Variants in GNAS observed in about 807,000 individuals in gnomAD.
GNAS encodes the protein protein ALEX.
GNAS carries 8 observed loss-of-function variants against 54.5 expected under a neutral mutation model. That is an observed-to-expected ratio of 0.15 (90% confidence interval 0.09 to 0.26). GNAS has a LOEUF of 0.26. Ranked by LOEUF, GNAS falls within the 10% of genes least tolerant of loss-of-function variation. GNAS has a pLI of 1.00. For synonymous variants in GNAS, 204 were observed against 191.4 expected (o/e 1.07, Z -0.54); for missense variants, 170 against 529.8 (o/e 0.32, Z 6.67).
intron 1 of GNAS, among the ~76,000 whole-genome samples, chr20:58,846,781 T>C (rs1360472806): frequency 6.6e-6 from 1 of 152,226 alleles, no homozygotes; most frequent in East Asian, 1.9e-4. Flanking sequence ...ATTGAGGTTG[T>C]TCTAGAAGGT....
At chr20:58,850,933 G>A in intron 1 of GNAS, 1 of 398,650 alleles carries the variant, frequency 2.5e-6, no homozygotes, top group Non-Finnish European at 4.4e-6. Flanking sequence ...CCGGTTTCCG[G>A]TCTGACGCCC....
intron 1 of GNAS, chr20:58,892,142 T>C: frequency 2.1e-6 from 2 of 962,790 alleles, no homozygotes; most frequent in East Asian, 1.2e-4. Context: ...TTGCTCTCGC[T>C]CTCGCTCTCC....
At chr20:58,883,707 C>T (rs566188776) in intron 1 of GNAS, among the ~76,000 whole-genome samples, 4 of 152,236 alleles carry the variant, frequency 2.6e-5, no homozygotes, top group Admixed American at 2.0e-4. Context: ...TAGCCCTGAG[C>T]TCCCCAGCAA....
intron 1 of GNAS, among the ~76,000 whole-genome samples, chr20:58,844,849 A>G (rs2085883793): frequency 6.6e-6 from 1 of 152,168 alleles, no homozygotes; most frequent in South Asian, 2.1e-4. Flanking sequence ...CCGAAAAACA[A>G]AAAAAGCACC....
intron 1 of GNAS, among the ~76,000 whole-genome samples, chr20:58,879,989 CCCCAA>C (rs2088118491): frequency 6.6e-6 from 1 of 152,180 alleles, no homozygotes; most frequent in Non-Finnish European, 1.5e-5. Context: ...AGCTGACCCT[CCCCAA>C]CCCAAACCTT....
chr20:58,864,163 T>C (rs2086913880), intron 1 of GNAS: 1 of 152,210 alleles, frequency 6.6e-6, no homozygotes, highest in Non-Finnish European at 1.5e-5. Flanking sequence ...TAGTGTTATT[T>C]AGGAAGTATA....
At chr20:58,907,360 A>G (rs1470461653) in intron 6 of GNAS, among the ~76,000 whole-genome samples, 2 of 152,236 alleles carry the variant, frequency 1.3e-5, no homozygotes, top group Admixed American at 6.5e-5. Context: ...TCCTTCTTCA[A>G]CAAAGTCCCT....
At chr20:58,878,268 G>A (rs550348361) in intron 1 of GNAS, among the ~76,000 whole-genome samples, 7 of 152,190 alleles carry the variant, frequency 4.6e-5, no homozygotes, top group Admixed American at 1.3e-4. Context: ...ATCGGGCCCC[G>A]GCCCCAGGAG....
chr20:58,855,648 AG>A, intron 1 of GNAS: 2 of 691,062 alleles, frequency 2.9e-6, no homozygotes, highest in Middle Eastern at 4.9e-4. Context: ...GCTTCAGGTG[AG>A]CCAGGAACTG....
intron 3 of GNAS, chr20:58,900,104 AC>A: frequency 3.5e-6 from 2 of 574,930 alleles, no homozygotes; most frequent in Non-Finnish European, 6.3e-6. Context: ...CTGCTACCTG[AC>A]CTTAAACGAT....
chr20:58,854,264 C>A (rs778831981), intron 1 of GNAS: 1 of 1,612,428 alleles, frequency 6.2e-7, no homozygotes, highest in Admixed American at 1.7e-5. Context: ...TCGCGCTTGA[C>A]GGCCCGCCCA....
intron 3 of GNAS, among the ~76,000 whole-genome samples, chr20:58,899,663 A>G (rs7347598): frequency 1.5e-5 from 2 of 130,904 alleles, no homozygotes; most frequent in African/African-American, 4.9e-5. Context: ...ACACACACAC[A>G]CGCACACACA....
rs1386700685 is a variant in GNAS at position 58,910,114 on chromosome 20, A to G, written c.970+33A>G. 3 of 1,609,944 alleles carry G rather than the reference A, an allele frequency of 1.9e-6. No individual in the cohort carries two copies. Among genetic ancestry groups the G allele is most frequent in the East Asian group, 2.2e-5 (1 of 44,844 alleles). ...TGGCTTCCACTCTTGCTGGCTGTTC[A>G]TTGCGGTGGTTCTTTTTCAAACGGT... On this transcript the variant is annotated intron_variant, in intron 11 of 12. Transcript: ENST00000371085. This position sits in a 1 kb window ranked among gnomAD's most constrained non-coding sequence, Gnocchi z 5.8.
chr20:58,893,981 C>G (rs1019738913), intron 1 of GNAS, among the ~76,000 whole-genome samples: 1 of 152,238 alleles, frequency 6.6e-6, no homozygotes, highest in Non-Finnish European at 1.5e-5. Flanking sequence ...TTGATTGCCT[C>G]TGGCCTAGGA....
At chr20:58,900,782 C>T (rs1166084437) in intron 3 of GNAS, among the ~76,000 whole-genome samples, 1 of 152,146 alleles carries the variant, frequency 6.6e-6, no homozygotes, top group Non-Finnish European at 1.5e-5. Context: ...AACCCGCCAA[C>T]CCCCAGTATA....
intron 1 of GNAS, among the ~76,000 whole-genome samples, chr20:58,852,197 A>T (rs2086203699): frequency 6.6e-6 from 1 of 151,586 alleles, no homozygotes; most frequent in Non-Finnish European, 1.5e-5. Flanking sequence ...CCATCCACAT[A>T]AACAAGAGAG....
At chr20:58,842,466 A>AT (rs1210715866) in intron 1 of GNAS, 3 of 398,556 alleles carry the variant, frequency 7.5e-6, no homozygotes, top group Non-Finnish European at 1.3e-5. Context: ...CCTATTCCGT[A>AT]GGAAAGGCGT....
rs560177672 is a variant in GNAS at position 58,854,061 on chromosome 20, C to T, written c.43+13175C>T. ...AGTCGCGGCCTCGAGTGCGGTCCGC[C>T]TCACTCCCGCCGCGAACGCGCCTCC... On this transcript the variant is annotated intron_variant, in intron 1 of 12. Transcript: ENST00000306090. 5.0e-6 allele frequency: 8 copies of T among 1,611,174 alleles called. No homozygotes were observed. The African/African-American group carries it at 5.3e-5, about 11-fold the overall frequency.
chr20:58,852,615 G>C (rs1038223246), intron 1 of GNAS: 1 of 180,246 alleles, frequency 5.5e-6, no homozygotes, highest in African/African-American at 2.4e-5. Flanking sequence ...GGGGAGGGAG[G>C]GTTTCAGCTC....
Sources: gnomAD v4.1 joint callset for allele counts (sites outside exome capture counted in the v4.1 genomes callset) on GRCh38, gnomAD v4.1.1 for gene constraint, Gnocchi (gnomAD v3.1) non-coding constraint, MANE v1.5 for transcripts, NCBI Gene and HGNC (gene_info 2026-07-23, HGNC 2026-07-21) for gene names.